HPCAL1: variants seen among roughly 807,000 people sequenced by gnomAD.
HPCAL1 encodes hippocalcin-like protein 1.
HPCAL1 carries 8 observed loss-of-function variants against 17.1 expected under a neutral mutation model. The observed-to-expected ratio is 0.47, with a 90% CI of 0.27 to 0.84. The LOEUF (loss-of-function observed/expected upper bound fraction) is 0.84, where lower values mean the gene tolerates loss of function less well. Ranked by LOEUF, HPCAL1 falls within the 40% of genes least tolerant of loss-of-function variation. The pLI is 0.13. For synonymous variants in HPCAL1, 112 were observed against 111.4 expected (o/e 1.01, Z -0.03); for missense variants, 165 against 271.1 (o/e 0.61, Z 2.75).
intron 1 of HPCAL1, among the ~76,000 whole-genome samples, chr2:10,389,694 G>A (rs1306120375): frequency 6.6e-6 from 1 of 152,240 alleles, no homozygotes; most frequent in Non-Finnish European, 1.5e-5. Flanking sequence ...GCGGTTGTGA[G>A]ACGCATCTGT....
At chr2:10,422,317 C>T (rs1293990944) in intron 3 of HPCAL1, among the ~76,000 whole-genome samples, 4 of 152,234 alleles carry the variant, frequency 2.6e-5, no homozygotes, top group Non-Finnish European at 5.9e-5. Context: ...AATCCCACAG[C>T]AGTGCCACCA....
intron 3 of HPCAL1, among the ~76,000 whole-genome samples, chr2:10,420,378 T>C (rs1224884900): frequency 6.6e-6 from 1 of 151,928 alleles, no homozygotes; most frequent in Admixed American, 6.6e-5. Flanking sequence ...TTTTTGATGG[T>C]AGAGAGAGGG....
rs565820587 is a variant in HPCAL1 at position 10,411,541 on chromosome 2, G to A, written c.-24-8193G>A. ...ATGCCGTTGTCCTAGGCAAGCCGCC[G>A]AGTGCCCCGGGAATGAGCGACTCCC... On this transcript the variant is annotated intron_variant, in intron 2 of 4. Transcript: ENST00000307845. Among the ~76,000 whole-genome samples the A allele has an allele frequency of 3.3e-5, 5 of 152,272 alleles. No homozygotes were observed. In the South Asian group the frequency reaches 6.2e-4, roughly 19 times the overall value.
intron 1 of HPCAL1, among the ~76,000 whole-genome samples, chr2:10,334,363 G>A (rs1367458900): frequency 6.6e-6 from 1 of 151,878 alleles, no homozygotes; most frequent in East Asian, 1.9e-4. Flanking sequence ...CAACAGTTAG[G>A]TGGGTGCAGC....
intron 1 of HPCAL1, among the ~76,000 whole-genome samples, chr2:10,314,118 A>G (rs1484617775): frequency 2.0e-5 from 3 of 151,324 alleles, no homozygotes; most frequent in Non-Finnish European, 4.4e-5. Flanking sequence ...TGGGTGACAG[A>G]GCAAGACTCC....
intron 2 of HPCAL1, among the ~76,000 whole-genome samples, chr2:10,403,954 C>A (rs1039434478): frequency 6.6e-6 from 1 of 152,146 alleles, no homozygotes; most frequent in Admixed American, 6.5e-5. Context: ...TTTTCTCTTC[C>A]TTCTTCTGGC....
intron 2 of HPCAL1, among the ~76,000 whole-genome samples, chr2:10,399,502 T>TCACCATCACCAC (rs1669409050): frequency 1.9e-5 from 1 of 53,564 alleles, no homozygotes; most frequent in Non-Finnish European, 4.0e-5. Context: ...ACCATCACCA[T>TCACCATCACCAC]CACCACCACC....
At chr2:10,390,464 C>T (rs180841490) in intron 1 of HPCAL1, among the ~76,000 whole-genome samples, 128 of 152,250 alleles carry the variant, frequency 8.4e-4, no homozygotes, top group Non-Finnish European at 1.4e-3. Flanking sequence ...CAGTCACCTC[C>T]AAAATAGTCA....
At chr2:10,307,739 C>T (rs1180487974) in intron 1 of HPCAL1, among the ~76,000 whole-genome samples, 1 of 152,218 alleles carries the variant, frequency 6.6e-6, no homozygotes, top group Admixed American at 6.5e-5. Flanking sequence ...GGTCAGCCCT[C>T]TCTGAGGGCT....
At chr2:10,404,910 G>A (rs968452082) in intron 2 of HPCAL1, among the ~76,000 whole-genome samples, 5 of 152,192 alleles carry the variant, frequency 3.3e-5, no homozygotes, top group East Asian at 3.9e-4. Flanking sequence ...AGATTCCACC[G>A]AGCCCAGGCC....
intron 1 of HPCAL1, among the ~76,000 whole-genome samples, chr2:10,381,212 G>A (rs1442249870): frequency 1.3e-5 from 2 of 152,230 alleles, no homozygotes; most frequent in Non-Finnish European, 2.9e-5. Context: ...ATACCAGATA[G>A]GCCCTTAGTC....
intron 2 of HPCAL1, among the ~76,000 whole-genome samples, chr2:10,412,839 C>T (rs1670437989): frequency 6.6e-6 from 1 of 152,298 alleles, no homozygotes; most frequent in African/African-American, 2.4e-5. Flanking sequence ...TGCCATCTCC[C>T]TGCCCACTTC....
chr2:10,351,459 G>A (rs958501147), intron 1 of HPCAL1, among the ~76,000 whole-genome samples: 13 of 152,138 alleles, frequency 8.5e-5, no homozygotes, highest in South Asian at 2.1e-4. Context: ...TTCTTTTGGG[G>A]AAGATAAAAA....
Position 10,399,529 on chromosome 2 carries a change from CTG to C in HPCAL1, c.-25+2610_-25+2611del, listed in dbSNP as rs1161559137. Among the ~76,000 whole-genome samples the C allele has an allele frequency of 3.1e-3, 311 of 101,710 alleles. 3 individuals carry two copies. The highest frequency in any genetic ancestry group is 4.9e-3 in the Admixed American group (50 of 10,172). The allele number at this position is 101,710 out of a possible 152,430, so 66.7% of individuals were successfully genotyped here. ...ACCACCACCGCCGCCACCACCGCCA[CTG>C]CCACCGCCACCATCACCGCCACCAC... On this transcript the variant is annotated intron_variant, in intron 2 of 4. Transcript: ENST00000307845.
intron 1 of HPCAL1, among the ~76,000 whole-genome samples, chr2:10,327,310 A>G (rs774909625): frequency 1.3e-5 from 2 of 152,208 alleles, no homozygotes; most frequent in African/African-American, 2.4e-5. Context: ...CAGAATGTGT[A>G]AAGTAACTCT....
rs939246185 is a variant in HPCAL1, at chr2:10,323,257, C to T, written c.-111+20080C>T. On this transcript the variant is annotated intron_variant, in intron 1 of 4. Coordinates refer to ENST00000307845, the MANE Select transcript of HPCAL1 (RefSeq NM_002149.4). This position sits in a 1 kb window ranked among gnomAD's most constrained non-coding sequence, Gnocchi z 4.6. ...CTCTCAACCGTTGGTTGCAGGTTCC[C>T]GTCCAGCCTCTCAAGCTGGCTGCTC... Among the ~76,000 whole-genome samples the T allele has an allele frequency of 4.1e-4, 62 of 152,228 alleles. No homozygotes were observed. The highest frequency in any genetic ancestry group is 1.4e-3 in the African/African-American group (60 of 41,460).
At chr2:10,324,147 T>C (rs2125406889) in intron 1 of HPCAL1, among the ~76,000 whole-genome samples, 1 of 152,374 alleles carries the variant, frequency 6.6e-6, no homozygotes, top group East Asian at 1.9e-4. Flanking sequence ...AGACATTTCC[T>C]TATGTAAAAG....
intron 2 of HPCAL1, among the ~76,000 whole-genome samples, chr2:10,410,426 T>C (rs1295154664): frequency 3.2e-5 from 4 of 126,702 alleles, no homozygotes; most frequent in African/African-American, 1.1e-4. Flanking sequence ...TTCCTCTTTT[T>C]CTTCTTCTTC....
chr2:10,336,719 A>G (rs1448098156), intron 1 of HPCAL1, among the ~76,000 whole-genome samples: 2 of 152,174 alleles, frequency 1.3e-5, no homozygotes, highest in Non-Finnish European at 2.9e-5. Flanking sequence ...AGAGGGAAAA[A>G]AGATGGTGGA....
Sources: gnomAD v4.1 joint callset for allele counts (sites outside exome capture counted in the v4.1 genomes callset) on GRCh38, gnomAD v4.1.1 for gene constraint, Gnocchi (gnomAD v3.1) non-coding constraint, MANE v1.5 for transcripts, NCBI Gene and HGNC (gene_info 2026-07-23, HGNC 2026-07-21) for gene names.